Variants in ITK observed in about 807,000 individuals in gnomAD.
The protein encoded by ITK is tyrosine-protein kinase ITK/TSK.
In ITK, 45 loss-of-function variants were observed where a neutral mutation model predicts 87.6. The ratio of observed to expected loss-of-function variants is 0.51; its 90% CI spans 0.40 to 0.66. The LOEUF is 0.66. Among genes scored for constraint, ITK ranks in the 30% least tolerant of loss-of-function variants. The pLI is 0.00. For missense variants in ITK, 605 were observed against 766.3 expected, an observed-to-expected ratio of 0.79 and a Z score of 2.48; for synonymous variants, 303 against 273.6, an observed-to-expected ratio of 1.11 and a Z score of -1.06.
intron 12 of ITK, 80 bp from the exon 13 acceptor site, chr5:157,244,182 G>T: frequency 1.9e-6 from 2 of 1,077,422 alleles, no homozygotes; most frequent in Non-Finnish European, 2.9e-6. Context: ...ATGACCATTG[G>T]CTATTTTGGT....
intron 11 of ITK, among the ~76,000 whole-genome samples, chr5:157,243,343 C>T (rs1270533929): frequency 6.6e-6 from 1 of 152,172 alleles, no homozygotes; most frequent in Non-Finnish European, 1.5e-5. Flanking sequence ...AAAAATGGGA[C>T]ATTGCAAGAA....
chr5:157,203,690 G>C (rs1754020978), intron 1 of ITK, among the ~76,000 whole-genome samples: 1 of 152,186 alleles, frequency 6.6e-6, no homozygotes, highest in Non-Finnish European at 1.5e-5. Context: ...CCATTCCAAA[G>C]AACTGTGATT....
chr5:157,231,763 T>C (rs563236763), intron 7 of ITK, among the ~76,000 whole-genome samples: 1 of 152,300 alleles, frequency 6.6e-6, no homozygotes, highest in South Asian at 2.1e-4. Flanking sequence ...TTTATAGTTG[T>C]TTTTCACCAG....
intron 1 of ITK, among the ~76,000 whole-genome samples, chr5:157,200,376 G>A (rs6873969): frequency 0.45 from 67,955 of 151,986 alleles, 15,115 homozygotes; most frequent in Middle Eastern, 0.48. Flanking sequence ...GGTTGTACTT[G>A]GCCTCTCCCT....
At chr5:157,227,572 G>A (rs573838150) in intron 6 of ITK, among the ~76,000 whole-genome samples, 1 of 151,950 alleles carries the variant, frequency 6.6e-6, no homozygotes, top group East Asian at 1.9e-4. Context: ...TAATTATTTT[G>A]GTTTCCTGAC....
chr5:157,205,394 C>A (rs560413347), intron 1 of ITK, among the ~76,000 whole-genome samples: 27 of 152,246 alleles, frequency 1.8e-4, no homozygotes, highest in Admixed American at 1.6e-3. Context: ...CAATCCTGAA[C>A]ACCATAATCC....
chr5:157,247,000 C>CA (rs1755031352), intron 15 of ITK, among the ~76,000 whole-genome samples: 1 of 152,110 alleles, frequency 6.6e-6, no homozygotes, highest in Non-Finnish European at 1.5e-5. Flanking sequence ...CTAAAGTGTG[C>CA]AAAAAAATAT....
chr5:157,248,965 C>T lies in ITK; in HGVS notation c.1749C>T (p.Ala583=). 1 of 1,613,904 alleles carries T rather than the reference C, an allele frequency of 6.2e-7. No individual in the cohort carries two copies. Among genetic ancestry groups the T allele is most frequent in the Non-Finnish European group, 8.5e-7 (1 of 1,179,822 alleles). The part of the protein sequence containing the change: ...TGFRLYKPRL[A]STHVYQIMNH... ...TTCGGTTGTACAAGCCCCGGCTGGC[C>T]TCCACACACGTCTACCAGATTATGA... is the stretch of plus-strand genomic sequence containing the variant. The change falls in exon 16 of 17, where the codon GCC becomes GCT. Residue 583 remains alanine, a synonymous_variant. Transcript: ENST00000422843.
At chr5:157,223,301 T>A (rs570814773) in intron 6 of ITK, among the ~76,000 whole-genome samples, 1 of 152,286 alleles carries the variant, frequency 6.6e-6, no homozygotes, top group South Asian at 2.1e-4. Flanking sequence ...TCCACTGACA[T>A]CTACAATTTG....
chr5:157,189,109 C>T (rs58810941), intron 1 of ITK, among the ~76,000 whole-genome samples: 2,816 of 152,188 alleles, frequency 0.019, 80 homozygotes, highest in African/African-American at 0.065. Flanking sequence ...AGAAAGGGCC[C>T]AAGCAAAGTA....
At chr5:157,213,256 C>T (rs1226326719) in intron 3 of ITK, among the ~76,000 whole-genome samples, 11 of 152,170 alleles carry the variant, frequency 7.2e-5, no homozygotes, top group Admixed American at 4.6e-4. Flanking sequence ...TGAGAACTCA[C>T]GTATTATCAC....
chr5:157,239,826 C>T (rs1400572483), intron 9 of ITK, among the ~76,000 whole-genome samples: 1 of 152,180 alleles, frequency 6.6e-6, no homozygotes, highest in Non-Finnish European at 1.5e-5. Context: ...AGAACCATCA[C>T]CAATCCATCA....
chr5:157,213,170 C>A (rs1444033973), intron 3 of ITK, among the ~76,000 whole-genome samples: 2 of 152,178 alleles, frequency 1.3e-5, no homozygotes, highest in African/African-American at 2.4e-5. Context: ...AGGCAATCAC[C>A]TTATTCACAA....
At chr5:157,234,538 G>A (rs75341280) in intron 8 of ITK, among the ~76,000 whole-genome samples, 2,258 of 152,134 alleles carry the variant, frequency 0.015, 48 homozygotes, top group African/African-American at 0.05. Flanking sequence ...GTATTCCATG[G>A]CGTATATGTG....
chr5:157,225,555 C>T (rs908903384), intron 6 of ITK, among the ~76,000 whole-genome samples: 1 of 152,064 alleles, frequency 6.6e-6, no homozygotes, highest in African/African-American at 2.4e-5. Context: ...GGTGCCTTCT[C>T]TTTAAGTAGG....
At chr5:157,233,955 ATATATATATTTTTT>A (rs1407505207) in intron 8 of ITK, among the ~76,000 whole-genome samples, 1 of 24,634 alleles carries the variant, frequency 4.1e-5, no homozygotes, top group African/African-American at 1.4e-4. Context: ...ATATATATAT[ATATATATATTTTTT>A]TTTTTTTTTT....
chr5:157,252,904 AG>A lies in ITK; in HGVS notation c.*227del. On this transcript the variant is annotated 3_prime_UTR_variant, in exon 17 of 17. Transcript: ENST00000422843. ...AAGCTGGGAGCTGAGCCAGAACAGG[AG>A]TGATGTCTCTGCCCTTCCTCTAGCC... 3 of 586,494 alleles carry A rather than the reference AG, an allele frequency of 5.1e-6. No individual in the cohort carries two copies. The highest frequency in any genetic ancestry group is 9.2e-6 in the Non-Finnish European group (3 of 324,622). The allele number at this position is 586,494 out of a possible 1,614,324, so 36.3% of individuals were successfully genotyped here.
At chr5:157,189,790 T>C (rs1753717129) in intron 1 of ITK, among the ~76,000 whole-genome samples, 1 of 152,248 alleles carries the variant, frequency 6.6e-6, no homozygotes, top group Non-Finnish European at 1.5e-5. Context: ...CAAAAAACTA[T>C]TTTAAAGCTC....
At chr5:157,204,154 G>T (rs1447580169) in intron 1 of ITK, among the ~76,000 whole-genome samples, 1 of 152,112 alleles carries the variant, frequency 6.6e-6, no homozygotes, top group Non-Finnish European at 1.5e-5. Flanking sequence ...GGGACTACAG[G>T]TGCACACCAT....
Sources: allele counts gnomAD v4.1 joint callset (sites outside exome capture counted in the v4.1 genomes callset), GRCh38; gene constraint gnomAD v4.1.1; transcripts MANE v1.5; gene names NCBI Gene and HGNC (gene_info 2026-07-23, HGNC 2026-07-21).